STAMBP: variants seen among roughly 807,000 people sequenced by gnomAD.
The protein encoded by STAMBP is STAM binding protein, also known as STAM-binding protein.
Under a neutral mutation model 50.7 loss-of-function variants are expected in STAMBP, and 31 were observed. That is an observed-to-expected ratio of 0.61 (90% CI 0.46 to 0.83). The LOEUF (loss-of-function observed/expected upper bound fraction) is 0.83. Among genes scored for constraint, STAMBP ranks in the 40% least tolerant of loss-of-function variants. The pLI is 0.00. For missense variants in STAMBP, 472 were observed against 518.9 expected, an observed-to-expected ratio of 0.91 and a Z score of 0.88; for synonymous variants, 211 against 192.4, an observed-to-expected ratio of 1.10 and a Z score of -0.80.
At chr2:73,847,303 A>G (rs569802583) in intron 4 of STAMBP, 84 bp from the exon 5 acceptor site, 2 of 1,498,182 alleles carry the variant, frequency 1.3e-6, no homozygotes, top group African/African-American at 1.4e-5. Context: ...CATTTTGGAA[A>G]TCTCCATGCT....
intron 2 of STAMBP, among the ~76,000 whole-genome samples, chr2:73,832,108 T>TATATATATATATATATATTTATACAC (rs1006072205): frequency 1.6e-5 from 2 of 122,902 alleles, no homozygotes; most frequent in African/African-American, 7.0e-5. Flanking sequence ...TATATATATA[T>TATATATATATATATATATTTATACAC]ACACATATAT....
chr2:73,843,546 G>A (rs1205497088), intron 2 of STAMBP, among the ~76,000 whole-genome samples: 1 of 151,848 alleles, frequency 6.6e-6, no homozygotes, highest in Non-Finnish European at 1.5e-5. Context: ...TGGGATTACA[G>A]GCATGAGCCA....
intron 2 of STAMBP, among the ~76,000 whole-genome samples, chr2:73,840,847 C>T (rs1286813325): frequency 1.3e-5 from 2 of 152,022 alleles, no homozygotes; most frequent in Non-Finnish European, 2.9e-5. Context: ...CATTTTCCCT[C>T]CCTTAAGATG....
rs1678791707 is a variant in STAMBP, at chr2:73,865,552, C to T, written c.*3293C>T. 6.6e-6 allele frequency: 1 copy of T among 152,164 alleles called. No homozygotes were observed. Among genetic ancestry groups the T allele is most frequent in the African/African-American group, 2.4e-5 (1 of 41,442 alleles). 9.4% of individuals were successfully genotyped at this position (152,164 alleles called of 1,614,324 possible). ...TCTCCAGGGGAAGTGCCAGGTTGAA[C>T]ATTTAAGGCTTTGCTTCTAGGCCCA... is the stretch of plus-strand genomic sequence containing the variant. On this transcript the variant is annotated 3_prime_UTR_variant, in exon 10 of 10. Coordinates refer to ENST00000394070, the MANE Select transcript of STAMBP (RefSeq NM_213622.4).
At chr2:73,855,660 A>AT (rs1677460435) in intron 7 of STAMBP, 1 of 455,976 alleles carries the variant, frequency 2.2e-6, no homozygotes, top group Non-Finnish European at 4.4e-6. Flanking sequence ...TACATGCCCC[A>AT]TGAAGACTTG....
Position 73,847,592 on chromosome 2 carries a change from G to GC in STAMBP, c.584dup (p.Leu196AlafsTer4). On this transcript the variant is annotated frameshift_variant, in exon 5 of 10. Coordinates refer to ENST00000394070, the MANE Select transcript of STAMBP (RefSeq NM_213622.4). LOFTEE classifies it high-confidence loss of function. ...GGGAAGGTAGACCCTGGCCTAGGTG[G>GC]CCCGCTAGTGCCTGACTTGGAGAAG... 1 of 1,614,158 alleles carries GC rather than the reference G, an allele frequency of 6.2e-7. No individual in the cohort carries two copies. The highest frequency in any genetic ancestry group is 1.1e-5 in the South Asian group (1 of 91,082).
At position 73,844,879 on chromosome 2, in the gene STAMBP, C is replaced by G; in HGVS notation, c.270C>G (p.Asp90Glu). Residue 90 changes from aspartate to glutamate, a missense_variant, in exon 3 of 10, where the codon GAC (aspartate) becomes GAG (glutamate). Physicochemically the swap from Asp to Glu is conservative, Grantham distance 45. Transcript: ENST00000394070. The part of the protein sequence containing the change: ...YKSAVIPEKK[D>E]TVKKLKEIAF... ...CTGCTGTCATTCCTGAAAAGAAAGACACAGTAAAGGTGGGTCTTCACTTTC... is the reference window on the plus strand; with the variant it reads ...CTGCTGTCATTCCTGAAAAGAAAGAGACAGTAAAGGTGGGTCTTCACTTTC... The G allele has an allele frequency of 6.2e-7, 1 of 1,613,772 alleles. No individual in the cohort carries two copies. The highest frequency in any genetic ancestry group is 8.5e-7 in the Non-Finnish European group (1 of 1,179,908).
intron 2 of STAMBP, among the ~76,000 whole-genome samples, chr2:73,841,169 C>G (rs568354122): frequency 1.3e-5 from 2 of 152,226 alleles, no homozygotes; most frequent in South Asian, 4.1e-4. Context: ...TACCTTTCCT[C>G]TCTCCAGGCT....
At chr2:73,868,815 TA>T (rs1195828169), downstream of STAMBP, among the ~76,000 whole-genome samples, 1 of 151,852 alleles carries the variant, frequency 6.6e-6, no homozygotes, top group African/African-American at 2.4e-5. Context: ...GTCAAGGCTA[TA>T]GTGAGCTGTG....
At chr2:73,869,481 G>A (rs142618350), downstream of STAMBP, among the ~76,000 whole-genome samples, 202 of 152,172 alleles carry the variant, frequency 1.3e-3, 2 homozygotes, top group African/African-American at 3.9e-3. Context: ...TTAAATGCAA[G>A]TCTGCTAAAA....
At chr2:73,842,681 G>A (rs911725576) in intron 2 of STAMBP, among the ~76,000 whole-genome samples, 27 of 152,144 alleles carry the variant, frequency 1.8e-4, no homozygotes, top group Admixed American at 1.5e-3. Context: ...AGTTGGTTTT[G>A]TTATATGTCA....
At chr2:73,854,301 A>C (rs1336678537) in intron 7 of STAMBP, among the ~76,000 whole-genome samples, 1 of 152,202 alleles carries the variant, frequency 6.6e-6, no homozygotes, top group Non-Finnish European at 1.5e-5. Context: ...AGCAAGAGGG[A>C]GACCAAGGAG....
intron 2 of STAMBP, among the ~76,000 whole-genome samples, chr2:73,834,230 AAAAAAAATATATATATATATATAT>A (rs1674379370): frequency 5.1e-5 from 1 of 19,438 alleles, no homozygotes; most frequent in African/African-American, 2.1e-4. Flanking sequence ...AAAAAAAAAA[AAAAAAAATATATATATATATATAT>A]ATATATATAT....
In STAMBP at chr2:73,859,317, A is replaced by T; in HGVS notation, c.1069A>T (p.Met357Leu). The change falls in exon 8 of 10, where the codon ATG becomes TTG. Residue 357 changes from methionine to leucine, a missense_variant. Coordinates refer to ENST00000394070, the MANE Select transcript of STAMBP (RefSeq NM_213622.4). ...VDLHTHCSYQ[M>L]MLPESVAIVC... ...CCTACACACTCACTGCTCTTACCAG[A>T]TGATGTTGCCAGAGTCAGTAGCCAT... is the stretch of plus-strand genomic sequence containing the variant. 1.9e-6 allele frequency: 3 copies of T among 1,614,128 alleles called. No homozygotes were observed. Among genetic ancestry groups the T allele is most frequent in the Non-Finnish European group, 2.5e-6 (3 of 1,179,996 alleles).
chr2:73,857,455 T>A (rs1459677715), intron 7 of STAMBP, among the ~76,000 whole-genome samples: 1 of 152,110 alleles, frequency 6.6e-6, no homozygotes, highest in Admixed American at 6.5e-5. Context: ...GCCTAACATC[T>A]TCCACTGCCT....
chr2:73,837,618 C>T (rs1024384499), intron 2 of STAMBP, among the ~76,000 whole-genome samples: 1 of 136,188 alleles, frequency 7.3e-6, no homozygotes, highest in African/African-American at 2.8e-5. Flanking sequence ...AAAAAGAACA[C>T]ATTAATACAG....
downstream of STAMBP, among the ~76,000 whole-genome samples, chr2:73,868,124 CA>C (rs11383453): frequency 0.041 from 4,498 of 110,222 alleles, 196 homozygotes; most frequent in African/African-American, 0.12. Flanking sequence ...AACTCTGTCT[CA>C]AAAAAAAAAA....
At chr2:73,855,432 G>A (rs1677425146) in intron 7 of STAMBP, among the ~76,000 whole-genome samples, 1 of 152,158 alleles carries the variant, frequency 6.6e-6, no homozygotes. Flanking sequence ...AGAGGAGCAG[G>A]GGATCATGGC....
Position 73,864,545 on chromosome 2 carries a change from A to G in STAMBP, c.*2286A>G, listed in dbSNP as rs1678688892. On this transcript the variant is annotated 3_prime_UTR_variant, in exon 10 of 10. Coordinates refer to ENST00000394070, the MANE Select transcript of STAMBP (RefSeq NM_213622.4). Reference sequence around the variant, plus strand: ...ACTGGATAGGCCGGAGAGAAAGAGGAGTAGCCAGAGCGGTCGGGAAAAGAG... The same window carrying G: ...ACTGGATAGGCCGGAGAGAAAGAGGGGTAGCCAGAGCGGTCGGGAAAAGAG... 2 of 152,532 alleles carry G rather than the reference A, an allele frequency of 1.3e-5. No homozygotes were observed. Among genetic ancestry groups the G allele is most frequent in the African/African-American group, 4.8e-5 (2 of 41,456 alleles). 9.4% of individuals were successfully genotyped at this position (152,532 alleles called of 1,614,324 possible).
Sources: allele counts gnomAD v4.1 joint callset (sites outside exome capture counted in the v4.1 genomes callset), GRCh38; gene constraint gnomAD v4.1.1; transcripts MANE v1.5; gene names NCBI Gene and HGNC (gene_info 2026-07-23, HGNC 2026-07-21).